Variants in MYH14 observed in about 807,000 individuals in gnomAD.
MYH14 encodes the protein myosin heavy chain 14.
In MYH14, 123 loss-of-function variants were observed where a neutral mutation model predicts 255.5. The observed-to-expected ratio is 0.48, with a 90% confidence interval of 0.42 to 0.56. MYH14 has a LOEUF of 0.56. Ranked by LOEUF, MYH14 falls within the 20% of genes least tolerant of loss-of-function variation. MYH14 has a pLI of 0.00. For missense variants in MYH14, 2,423 were observed against 2,802.3 expected (o/e 0.86, Z 3.06); for synonymous variants, 1,095 against 1,161.2 (o/e 0.94, Z 1.16).
At chr19:50,246,115 C>CCTTT (rs1178378581) in intron 11 of MYH14, among the ~76,000 whole-genome samples, 2 of 111,622 alleles carry the variant, frequency 1.8e-5, no homozygotes, top group African/African-American at 6.9e-5. Context: ...TTCCTTTCTT[C>CCTTT]CTTCCTTCCT....
chr19:50,246,637 A>AAAAC (rs146740474), intron 11 of MYH14, among the ~76,000 whole-genome samples: 24 of 150,884 alleles, frequency 1.6e-4, no homozygotes, highest in African/African-American at 4.4e-4. Context: ...AAAACAAAAC[A>AAAAC]AAACAAACAA....
rs954499421 is a variant in MYH14, at chr19:50,246,249, C to G, written c.1211-755C>G. Among the ~76,000 whole-genome samples the G allele has an allele frequency of 6.9e-4, 105 of 151,396 alleles. 1 individual carries two copies. Among genetic ancestry groups the G allele is most frequent in the Non-Finnish European group, 3.8e-4 (26 of 67,830 alleles). ...CTACCTCCTGGGTTCAAGCGATTCT[C>G]CCTGCCTCAGCCTCCCAAGTATCTG... On this transcript the variant is annotated intron_variant, in intron 11 of 42. Coordinates refer to ENST00000642316, the MANE Select transcript of MYH14 (RefSeq NM_001145809.2).
At chr19:50,278,643 G>A (rs1464011428) in intron 30 of MYH14, among the ~76,000 whole-genome samples, 2 of 152,080 alleles carry the variant, frequency 1.3e-5, no homozygotes, top group Non-Finnish European at 2.9e-5. Flanking sequence ...GGTCGAGGCT[G>A]CAATGAGCTG....
intron 35 of MYH14, among the ~76,000 whole-genome samples, chr19:50,290,325 T>C (rs1474113762): frequency 2.6e-5 from 4 of 152,104 alleles, no homozygotes; most frequent in Non-Finnish European, 5.9e-5. Context: ...TCCATTGCTC[T>C]CTCCCTCCCT....
intron 33 of MYH14, chr19:50,284,763 T>C (rs912177591): frequency 1.3e-5 from 2 of 152,020 alleles, no homozygotes; most frequent in African/African-American, 4.8e-5. Context: ...TCTGAGTTAA[T>C]TTTTACATAT....
rs1441998308 is a variant in MYH14 at position 50,280,295 on chromosome 19, C to A, written c.4202C>A (p.Ala1401Asp). The change falls in exon 32 of 43, where the codon GCT becomes GAT. Residue 1401 changes from alanine to aspartate, a missense_variant. Physicochemically the swap from Ala to Asp is moderately radical, Grantham distance 126. This residue lies in a region of MYH14 where 1,513 missense variants were observed against 1,674.8 expected (regional missense o/e 0.90). Coordinates refer to ENST00000642316, the MANE Select transcript of MYH14 (RefSeq NM_001145809.2). This position sits in a 1 kb window ranked among gnomAD's most constrained non-coding sequence, Gnocchi z 4.8. ...GGGTCCCGGGTGCGAGCCATGGAGG[C>A]TGAGGCAGCCGGGCTGCGTGAGCAG... ...ALGSRVRAMEAEAAGLREQLE... is the reference protein window; with the variant it reads ...ALGSRVRAMEDEAAGLREQLE... 14 of 1,551,122 alleles carry A rather than the reference C, an allele frequency of 9.0e-6. No individual in the cohort carries two copies. The highest frequency in any genetic ancestry group is 1.1e-5 in the Non-Finnish European group (13 of 1,146,908).
intron 37 of MYH14, among the ~76,000 whole-genome samples, chr19:50,292,792 GGAGA>G (rs535189657): frequency 6.6e-6 from 1 of 151,730 alleles, no homozygotes; most frequent in African/African-American, 2.4e-5. Flanking sequence ...GTGGGAGAGG[GGAGA>G]GAGAGAGAGA....
Position 50,249,218 on chromosome 19 carries a change from C to CT in MYH14, c.1482+81dup, listed in dbSNP as rs1341433660. The CT allele has an allele frequency of 8.3e-6, 12 of 1,448,092 alleles. No homozygotes were observed. The Admixed American group carries it at 1.7e-4, about 21-fold the overall frequency. 89.7% of individuals were successfully genotyped at this position (1,448,092 alleles called of 1,614,324 possible). ...CTTTCTGAAGCCCTGGGTCTCTCCC[C>CT]TTCTCCCTGGTCTCTGTCCCCCTCT... On this transcript the variant is annotated intron_variant, in intron 13 of 42. Coordinates refer to ENST00000642316, the MANE Select transcript of MYH14 (RefSeq NM_001145809.2).
intron 1 of MYH14, among the ~76,000 whole-genome samples, chr19:50,209,437 C>G (rs1301893706): frequency 6.6e-6 from 1 of 151,814 alleles, no homozygotes; most frequent in Non-Finnish European, 1.5e-5. Context: ...CACCTGAGGT[C>G]AGGAGTTCAA....
intron 10 of MYH14, among the ~76,000 whole-genome samples, chr19:50,235,420 C>T (rs1303819718): frequency 1.3e-5 from 2 of 151,716 alleles, no homozygotes; most frequent in African/African-American, 4.8e-5. Flanking sequence ...CCTACCCTTC[C>T]ACTAGAGACC....
chr19:50,208,328 T>G (rs1376795067), intron 1 of MYH14, among the ~76,000 whole-genome samples: 1 of 152,032 alleles, frequency 6.6e-6, no homozygotes, highest in Non-Finnish European at 1.5e-5. Context: ...GGCAGGAGAA[T>G]CTCTTGAAAC....
chr19:50,264,820 G>A (rs1375877364), intron 22 of MYH14, among the ~76,000 whole-genome samples: 1 of 152,162 alleles, frequency 6.6e-6, no homozygotes, highest in African/African-American at 2.4e-5. Context: ...GAGCCAGGCT[G>A]GCATCACATG....
At chr19:50,285,452 G>T (rs1244270695) in intron 33 of MYH14, 1 of 152,164 alleles carries the variant, frequency 6.6e-6, no homozygotes, top group Non-Finnish European at 1.5e-5. Context: ...CACATCTGCT[G>T]CCAGATGTAT....
chr19:50,290,926 C>T lies in MYH14; in HGVS notation c.5005C>T (p.Gln1669Ter), dbSNP rs577504388. The change falls in exon 36 of 43, where the codon CAG becomes TAG. Residue 1669 changes from glutamine (Q) to a stop codon, truncating the protein, a stop_gained. Coordinates refer to ENST00000642316, the MANE Select transcript of MYH14 (RefSeq NM_001145809.2). LOFTEE classifies it high-confidence loss of function. ...AEVERDEERK[Q>*]RTLAVAARKK... ...GGTGGAGCGGGATGAGGAGCGGAAG[C>T]AGCGCACTCTGGCCGTGGCTGCCCG... The T allele has an allele frequency of 6.3e-7, 1 of 1,583,008 alleles. No homozygotes were observed.
At chr19:50,219,602 TA>T (rs2032702480) in intron 3 of MYH14, among the ~76,000 whole-genome samples, 1 of 152,280 alleles carries the variant, frequency 6.6e-6, no homozygotes, top group Middle Eastern at 3.4e-3. Context: ...ATTCAACATT[TA>T]TCGTTGAATT....
At chr19:50,292,720 C>T (rs2036127024) in intron 37 of MYH14, among the ~76,000 whole-genome samples, 2 of 152,066 alleles carry the variant, frequency 1.3e-5, no homozygotes, top group African/African-American at 4.8e-5. Flanking sequence ...TGGGCAGGGT[C>T]AGCTCTGTAG....
intron 32 of MYH14, among the ~76,000 whole-genome samples, chr19:50,281,110 G>A (rs545106252): frequency 1.6e-4 from 24 of 152,308 alleles, no homozygotes; most frequent in East Asian, 3.9e-4. Context: ...TATGGTAGGC[G>A]TTGAGAAATG....
In MYH14 at chr19:50,225,641, T is replaced by C; in HGVS notation, c.774T>C (p.Asn258=). The change falls in exon 7 of 43, where the codon AAT becomes AAC. Residue 258 remains asparagine, a synonymous_variant. Transcript: ENST00000642316. Reference sequence around the variant, plus strand: ...ACCCCATCCTAGAGGCCTTTGGCAATGCCAAGACAGTGAAGAATGACAACT... The same window carrying C: ...ACCCCATCCTAGAGGCCTTTGGCAACGCCAAGACAGTGAAGAATGACAACT... ...QANPILEAFG[N]AKTVKNDNSS... 6.2e-7 allele frequency: 1 copy of C among 1,613,934 alleles called. No individual in the cohort carries two copies. The highest frequency in any genetic ancestry group is 8.5e-7 in the Non-Finnish European group (1 of 1,179,954).
chr19:50,260,865 A>ATGCGTGTGTGTGCATGCGTG, intron 20 of MYH14, 150 bp downstream of exon 20: 4 of 653,956 alleles, frequency 6.1e-6, no homozygotes, highest in Admixed American at 4.3e-5. Flanking sequence ...GTGCATGCAT[A>ATGCGTGTGTGTGCATGCGTG]TGTGTGCATG....
Sources: gnomAD v4.1 joint callset for allele counts (sites outside exome capture counted in the v4.1 genomes callset) on GRCh38, gnomAD v4.1.1 for gene constraint, gnomAD v4.1.1 regional missense constraint, Gnocchi (gnomAD v3.1) non-coding constraint, MANE v1.5 for transcripts, NCBI Gene and HGNC (gene_info 2026-07-23, HGNC 2026-07-21) for gene names.